Variants in ATRNL1 observed in about 807,000 individuals in gnomAD.
ATRNL1 encodes attractin like 1, also known as attractin-like protein 1.
ATRNL1 carries 95 observed loss-of-function variants against 182.7 expected under a neutral mutation model. The observed-to-expected ratio is 0.52, with a 90% CI of 0.44 to 0.62. The LOEUF is 0.62. ATRNL1 is among the 20% of genes least tolerant of loss of function. The probability of loss-of-function intolerance (pLI) is 0.00; values close to 1 mark genes in which losing one functional copy is unlikely to be tolerated. For synonymous variants in ATRNL1, 576 were observed against 568.3 expected (o/e 1.01, Z -0.19); for missense variants, 1,471 against 1,679.5 (o/e 0.88, Z 2.17).
At chr10:115,640,190 G>A (rs1032045282) in intron 26 of ATRNL1, among the ~76,000 whole-genome samples, 1 of 152,156 alleles carries the variant, frequency 6.6e-6, no homozygotes, top group Non-Finnish European at 1.5e-5. Context: ...GGGCATTTGG[G>A]TTGGTTCCAA....
At chr10:115,374,829 C>T (rs1169195465) in intron 19 of ATRNL1, among the ~76,000 whole-genome samples, 2 of 151,860 alleles carry the variant, frequency 1.3e-5, no homozygotes, top group Non-Finnish European at 2.9e-5. Context: ...TTGTGGTTGG[C>T]AAAGATGCTT....
chr10:115,505,607 T>G (rs1850071692), intron 24 of ATRNL1, among the ~76,000 whole-genome samples: 1 of 151,778 alleles, frequency 6.6e-6, no homozygotes. Context: ...AGGTCCCACA[T>G]GTAGTAGATG....
intron 21 of ATRNL1, among the ~76,000 whole-genome samples, chr10:115,440,957 A>G (rs1554965601): frequency 6.6e-6 from 1 of 151,884 alleles, no homozygotes; most frequent in African/African-American, 2.4e-5. Context: ...CTCCTACTTC[A>G]TTGAGAAAAT....
At chr10:115,442,225 AT>A (rs1283921427) in intron 21 of ATRNL1, among the ~76,000 whole-genome samples, 2 of 132,882 alleles carry the variant, frequency 1.5e-5, no homozygotes, top group Admixed American at 7.7e-5. Context: ...CAGTGGAATT[AT>A]TTTTTTTTCC....
intron 17 of ATRNL1, among the ~76,000 whole-genome samples, chr10:115,307,515 G>A (rs1853794928): frequency 6.6e-6 from 1 of 152,222 alleles, no homozygotes; most frequent in East Asian, 1.9e-4. Context: ...GCCCACCTTG[G>A]CCTCCCAACA....
At chr10:115,568,832 C>G (rs1854217659) in intron 26 of ATRNL1, among the ~76,000 whole-genome samples, 1 of 151,886 alleles carries the variant, frequency 6.6e-6, no homozygotes, top group Admixed American at 6.6e-5. Flanking sequence ...CTTTCCCTCC[C>G]TGCCTTCATA....
chr10:115,881,791 T>G (rs1177280967), intron 28 of ATRNL1, among the ~76,000 whole-genome samples: 1 of 152,150 alleles, frequency 6.6e-6, no homozygotes, highest in African/African-American at 2.4e-5. Context: ...CCTACCCAGG[T>G]CTGTCTGCTT....
At chr10:115,341,692 T>C (rs570615604) in intron 19 of ATRNL1, among the ~76,000 whole-genome samples, 1 of 152,252 alleles carries the variant, frequency 6.6e-6, no homozygotes, top group Non-Finnish European at 1.5e-5. Flanking sequence ...TCTAGATGCT[T>C]CATTGTTGGG....
At chr10:115,469,456 TG>T in intron 24 of ATRNL1, 127 bp downstream of exon 24, 10 of 526,382 alleles carry the variant, frequency 1.9e-5, no homozygotes, top group Non-Finnish European at 2.6e-5. Flanking sequence ...CATTGACCTT[TG>T]ATAAATAAAG....
intron 27 of ATRNL1, among the ~76,000 whole-genome samples, chr10:115,761,019 G>A (rs1475445158): frequency 1.3e-5 from 2 of 152,070 alleles, no homozygotes; most frequent in Non-Finnish European, 2.9e-5. Flanking sequence ...AGAAAACATA[G>A]GCAGCCTTTC....
At chr10:115,169,890 T>G (rs1554885131) in intron 7 of ATRNL1, among the ~76,000 whole-genome samples, 1 of 152,122 alleles carries the variant, frequency 6.6e-6, no homozygotes, top group African/African-American at 2.4e-5. Context: ...TATTTTATTC[T>G]TTTAGATGCT....
intron 25 of ATRNL1, 89 bp downstream of exon 25, chr10:115,519,413 A>G (rs2133701207): frequency 9.3e-7 from 1 of 1,080,696 alleles, no homozygotes. Flanking sequence ...GACCAATTCT[A>G]AAACCTTAAA....
At chr10:115,368,299 C>T (rs372750243) in intron 19 of ATRNL1, among the ~76,000 whole-genome samples, 2,363 of 152,300 alleles carry the variant, frequency 0.016, 55 homozygotes, top group African/African-American at 0.053. Context: ...CAGGTGCGTC[C>T]GTCACCCCTT....
intron 24 of ATRNL1, among the ~76,000 whole-genome samples, chr10:115,477,217 T>G (rs2134597065): frequency 6.6e-6 from 1 of 151,702 alleles, no homozygotes; most frequent in African/African-American, 2.4e-5. Flanking sequence ...TAGTAAGTTG[T>G]TTTGTTAATT....
chr10:115,535,299 G>T (rs1275374094), intron 25 of ATRNL1, among the ~76,000 whole-genome samples: 1 of 152,264 alleles, frequency 6.6e-6, no homozygotes, highest in South Asian at 2.1e-4. Flanking sequence ...TGGAGGCTTT[G>T]TTCGTTTCTT....
chr10:115,375,279 A>G (rs1592552677), intron 19 of ATRNL1, among the ~76,000 whole-genome samples: 1 of 151,672 alleles, frequency 6.6e-6, no homozygotes, highest in African/African-American at 2.4e-5. Context: ...GTTTTGTCTG[A>G]TATAGCCACC....
intron 24 of ATRNL1, among the ~76,000 whole-genome samples, chr10:115,476,432 A>G (rs1384256031): frequency 6.6e-6 from 1 of 151,134 alleles, no homozygotes; most frequent in African/African-American, 2.4e-5. Flanking sequence ...TCAATGTCTG[A>G]GATTATTGCT....
intron 1 of ATRNL1, among the ~76,000 whole-genome samples, chr10:115,117,340 C>T (rs1844534711): frequency 4.6e-5 from 7 of 151,950 alleles, no homozygotes; most frequent in Admixed American, 4.6e-4. Flanking sequence ...ATCCCTACCT[C>T]CTCCTCACTT....
intron 27 of ATRNL1, among the ~76,000 whole-genome samples, chr10:115,743,161 G>A (rs1182304803): frequency 6.7e-6 from 1 of 148,640 alleles, no homozygotes. Flanking sequence ...CACACATGGG[G>A]ATTACGGGAA....
Sources: allele counts gnomAD v4.1 joint callset (sites outside exome capture counted in the v4.1 genomes callset), GRCh38; gene constraint gnomAD v4.1.1; transcripts MANE v1.5; gene names NCBI Gene and HGNC (gene_info 2026-07-23, HGNC 2026-07-21).